Variants in CLVS1 observed in about 807,000 individuals in gnomAD.
CLVS1 encodes the protein clavesin 1.
CLVS1 carries 10 observed loss-of-function variants against 33.1 expected under a neutral mutation model. That is an observed-to-expected ratio of 0.30 (90% CI 0.19 to 0.51). The LOEUF (loss-of-function observed/expected upper bound fraction) is 0.51, where lower values mean the gene tolerates loss of function less well. Among genes scored for constraint, CLVS1 ranks in the 20% least tolerant of loss-of-function variants. CLVS1 has a pLI of 0.97. For missense variants in CLVS1, 343 were observed against 433.4 expected, an observed-to-expected ratio of 0.79 and a Z score of 1.85; for synonymous variants, 163 against 166.1, an observed-to-expected ratio of 0.98 and a Z score of 0.14.
At chr8:61,203,616 T>C (rs1344600299) in intron 2 of CLVS1, among the ~76,000 whole-genome samples, 2 of 152,224 alleles carry the variant, frequency 1.3e-5, no homozygotes, top group African/African-American at 4.8e-5. Context: ...TATTTATTTC[T>C]AATCAAATGG....
rs956737767 is a variant in CLVS1 at position 61,454,122 on chromosome 8, T to C, written c.631-19T>C. 15 of 1,568,184 alleles carry C rather than the reference T, an allele frequency of 9.6e-6. No individual in the cohort carries two copies. Among genetic ancestry groups the C allele is most frequent in the Non-Finnish European group, 1.3e-5 (15 of 1,138,232 alleles). The stretch of plus-strand genomic sequence containing the variant: ...GGTGTGCTTACTAATCGGTGTGCAT[T>C]TCTCTCTTTCTGCCCCAGGACAGCT... On this transcript the variant is annotated intron_variant, in intron 3 of 5. Coordinates refer to ENST00000325897, the MANE Select transcript of CLVS1 (RefSeq NM_173519.3).
At chr8:61,195,050 G>T (rs1300433848) in intron 2 of CLVS1, among the ~76,000 whole-genome samples, 1 of 151,682 alleles carries the variant, frequency 6.6e-6, no homozygotes, top group African/African-American at 2.4e-5. Flanking sequence ...AAAACATGCG[G>T]GATACAGCTA....
At chr8:61,027,101 A>G in the CLVS1 span, among the ~76,000 whole-genome samples, 1 of 152,214 alleles carries the variant, frequency 6.6e-6, no homozygotes, top group Admixed American at 6.5e-5. Context: ...TTGAGTTTTC[A>G]TATGATTACC....
chr8:61,391,134 G>A (rs1322759718), intron 3 of CLVS1: 1 of 152,168 alleles, frequency 6.6e-6, no homozygotes, highest in African/African-American at 2.4e-5. Context: ...TTAGAAGATG[G>A]ATAAAATCAA....
chr8:61,448,041 CCTTT>C (rs563529090), intron 3 of CLVS1, among the ~76,000 whole-genome samples: 581 of 152,112 alleles, frequency 3.8e-3, no homozygotes, highest in African/African-American at 0.013. Flanking sequence ...GTTGACAGTT[CCTTT>C]TTTTCAGTAC....
Position 61,299,766 on chromosome 8 carries a change from C to T in CLVS1, c.-62C>T, listed in dbSNP as rs1002273135. On this transcript the variant is annotated 5_prime_UTR_variant, in exon 2 of 6. Transcript: ENST00000325897. ...AAGAAGACCCTCTATTTGTCTGTTC[C>T]GGGGCAGCCTGGTAGTAAAACACTG... is the stretch of plus-strand genomic sequence containing the variant. The T allele has an allele frequency of 2.8e-5, 36 of 1,273,344 alleles. No homozygotes were observed. Among genetic ancestry groups the T allele is most frequent in the Middle Eastern group, 2.7e-4 (1 of 3,672 alleles). The allele number at this position is 1,273,344 out of a possible 1,614,324, so 78.9% of individuals were successfully genotyped here.
At chr8:61,331,814 C>G (rs1054383160) in intron 2 of CLVS1, among the ~76,000 whole-genome samples, 1 of 149,724 alleles carries the variant, frequency 6.7e-6, no homozygotes, top group Non-Finnish European at 1.5e-5. Flanking sequence ...TCTCCTCCTC[C>G]TCCTCCTCTT....
At chr8:61,336,834 A>C (rs1811824527) in intron 2 of CLVS1, among the ~76,000 whole-genome samples, 2 of 152,234 alleles carry the variant, frequency 1.3e-5, no homozygotes, top group African/African-American at 4.8e-5. Flanking sequence ...GAAAGGGCAA[A>C]AAATGAGTGT....
intron 5 of CLVS1, among the ~76,000 whole-genome samples, chr8:61,469,600 C>T (rs1450736733): frequency 6.6e-6 from 1 of 152,144 alleles, no homozygotes; most frequent in Non-Finnish European, 1.5e-5. Context: ...GCATGTTGTC[C>T]TCTTTTTATA....
At chr8:61,106,566 C>A (rs1211685117) in intron 1 of CLVS1, among the ~76,000 whole-genome samples, 1 of 152,176 alleles carries the variant, frequency 6.6e-6, no homozygotes, top group African/African-American at 2.4e-5. Context: ...CTGCCCAGTA[C>A]GCCACAGGAG....
chr8:61,115,775 T>C (rs1332896288), intron 1 of CLVS1, among the ~76,000 whole-genome samples: 1 of 145,954 alleles, frequency 6.9e-6, no homozygotes, highest in African/African-American at 2.7e-5. Context: ...AGTCTATCAG[T>C]GTTGGACATT....
At chr8:61,130,244 T>A (rs1215556064) in intron 1 of CLVS1, among the ~76,000 whole-genome samples, 2 of 138,402 alleles carry the variant, frequency 1.4e-5, no homozygotes, top group African/African-American at 2.6e-5. Flanking sequence ...TCTCAAAAAA[T>A]AAATAAATAA....
intron 5 of CLVS1, among the ~76,000 whole-genome samples, chr8:61,469,888 C>G (rs958716422): frequency 8.5e-5 from 13 of 152,150 alleles, no homozygotes; most frequent in Admixed American, 7.2e-4. Flanking sequence ...GTCTGATGTC[C>G]AAATTAAATG....
At chr8:61,053,113 A>G (rs1017041606), upstream of CLVS1, among the ~76,000 whole-genome samples, 28 of 152,152 alleles carry the variant, frequency 1.8e-4, no homozygotes, top group African/African-American at 6.8e-4. Flanking sequence ...AATGGCAAGG[A>G]GTGGGGTCGA....
At chr8:61,300,477 G>C (rs1444831537) in intron 2 of CLVS1, 195 bp downstream of exon 2, 12 of 549,728 alleles carry the variant, frequency 2.2e-5, no homozygotes, top group Non-Finnish European at 3.8e-5. Flanking sequence ...TGTAACATTA[G>C]AGTTGTAAGA....
intron 1 of CLVS1, among the ~76,000 whole-genome samples, chr8:61,297,829 G>A (rs1300247864): frequency 6.6e-6 from 1 of 152,108 alleles, no homozygotes; most frequent in East Asian, 1.9e-4. Flanking sequence ...ATGGTAAAAT[G>A]GGAGAAGGAG....
Position 61,099,976 on chromosome 8 carries a change from T to C in CLVS1, c.-242-31794T>C, listed in dbSNP as rs114346909. The stretch of plus-strand genomic sequence containing the variant: ...TAGAAATCCAAAGAAAAGAGGGTGA[T>C]AAATTAGAATGCTAGAATTAGGGAC... On this transcript the variant is annotated intron_variant, in intron 1 of 2. Coordinates refer to the CLVS1 transcript ENST00000522621. 4.7e-3 allele frequency among the ~76,000 whole-genome samples: 720 copies of C among 152,258 alleles called. 11 individuals are homozygous for C. Among genetic ancestry groups the C allele is most frequent in the African/African-American group, 0.017 (687 of 41,546 alleles).
chr8:61,066,917 C>T (rs532970388), intron 1 of CLVS1, among the ~76,000 whole-genome samples: 165 of 152,258 alleles, frequency 1.1e-3, no homozygotes, highest in South Asian at 5.8e-3. Flanking sequence ...GTGCCACACA[C>T]GGCTGTCATA....
chr8:61,311,692 T>C (rs918619929), intron 2 of CLVS1, among the ~76,000 whole-genome samples: 3 of 152,226 alleles, frequency 2.0e-5, no homozygotes, highest in African/African-American at 7.2e-5. Context: ...GCTGCTCCTC[T>C]GAAATTCTCA....
Sources: allele counts gnomAD v4.1 joint callset (sites outside exome capture counted in the v4.1 genomes callset), GRCh38; gene constraint gnomAD v4.1.1; transcripts MANE v1.5; gene names NCBI Gene and HGNC (gene_info 2026-07-23, HGNC 2026-07-21).